The following ATP8A1 variants were observed in gnomAD, a reference collection of about 807,000 sequenced individuals.
The protein encoded by ATP8A1 is phospholipid-transporting ATPase IA.
In ATP8A1, 90 loss-of-function variants were observed where a neutral mutation model predicts 177.7. The ratio of observed to expected loss-of-function variants is 0.51; its 90% CI spans 0.43 to 0.60. The LOEUF (loss-of-function observed/expected upper bound fraction) is 0.60, where lower values mean the gene tolerates loss of function less well. Among genes scored for constraint, ATP8A1 ranks in the 20% least tolerant of loss-of-function variants. ATP8A1 has a pLI of 0.00. For synonymous variants in ATP8A1, 493 were observed against 485.9 expected (o/e 1.01, Z -0.19); for missense variants, 1,072 against 1,392.8 (o/e 0.77, Z 3.67).
chr4:42,594,196 G>A (rs748070858), intron 6 of ATP8A1: 12 of 673,852 alleles, frequency 1.8e-5, no homozygotes, highest in East Asian at 7.9e-5. Context: ...TAAATTCTTC[G>A]TTTATTCCTT....
intron 22 of ATP8A1, among the ~76,000 whole-genome samples, chr4:42,519,375 T>A (rs1692323239): frequency 6.6e-6 from 1 of 152,192 alleles, no homozygotes; most frequent in Admixed American, 6.5e-5. Context: ...ATTACAGGTG[T>A]GAGCCATCAC....
intron 22 of ATP8A1, among the ~76,000 whole-genome samples, chr4:42,507,556 C>A (rs975245852): frequency 2.6e-5 from 4 of 151,480 alleles, no homozygotes; most frequent in Admixed American, 2.6e-4. Flanking sequence ...GGTGAAACCA[C>A]GTCTCCACTA....
At chr4:42,595,409 T>C (rs1734627612) in intron 6 of ATP8A1, among the ~76,000 whole-genome samples, 2 of 152,300 alleles carry the variant, frequency 1.3e-5, no homozygotes, top group African/African-American at 4.8e-5. Context: ...TTTTTATTTA[T>C]GACACGTATG....
At chr4:42,506,217 G>A (rs1366035769) in intron 23 of ATP8A1, among the ~76,000 whole-genome samples, 1 of 152,160 alleles carries the variant, frequency 6.6e-6, no homozygotes, top group Non-Finnish European at 1.5e-5. Context: ...AGTAGGAGGT[G>A]GGGTCTTTGG....
At chr4:42,528,275 G>A (rs910427400) in intron 20 of ATP8A1, among the ~76,000 whole-genome samples, 3 of 152,090 alleles carry the variant, frequency 2.0e-5, no homozygotes, top group Admixed American at 6.5e-5. Flanking sequence ...CTATTACGGT[G>A]GGAAAGGCCA....
At chr4:42,564,760 CTT>C (rs1731187518) in intron 15 of ATP8A1, among the ~76,000 whole-genome samples, 1 of 152,050 alleles carries the variant, frequency 6.6e-6, no homozygotes, top group Non-Finnish European at 1.5e-5. Context: ...TGAGTTAAGA[CTT>C]TGGGGAATTG....
At chr4:42,616,979 T>A (rs1433378033) in intron 4 of ATP8A1, among the ~76,000 whole-genome samples, 2 of 152,182 alleles carry the variant, frequency 1.3e-5, no homozygotes, top group African/African-American at 4.8e-5. Flanking sequence ...TGTAACTAAC[T>A]CTGTTCGCTC....
chr4:42,521,451 G>A (rs948211113), intron 22 of ATP8A1, among the ~76,000 whole-genome samples: 1 of 152,082 alleles, frequency 6.6e-6, no homozygotes, highest in African/African-American at 2.4e-5. Flanking sequence ...CCTGGCACAC[G>A]GCAAGAGCTA....
At position 42,409,634 on chromosome 4, in the gene ATP8A1, T is replaced by C. The variant is rs1712372293; in HGVS notation, c.*3282A>G. On this transcript the variant is annotated 3_prime_UTR_variant, in exon 37 of 37. Transcript: ENST00000381668. ...CTATCAAAGGGCAACTGCACAAAAA[T>C]AAACACGATTATTTAGCTTTGTAGT... 6.6e-6 allele frequency: 1 copy of C among 152,256 alleles called. No homozygotes were observed. The highest frequency in any genetic ancestry group is 3.4e-3 in the Middle Eastern group (1 of 294). The allele number at this position is 152,256 out of a possible 1,614,324, so 9.4% of individuals were successfully genotyped here.
chr4:42,583,455 TG>T (rs774207902), intron 9 of ATP8A1, among the ~76,000 whole-genome samples: 22 of 152,200 alleles, frequency 1.4e-4, no homozygotes, highest in Admixed American at 6.5e-5. Flanking sequence ...GGGACACACG[TG>T]TGACAACTGT....
chr4:42,463,447 G>A (rs1333355763), intron 27 of ATP8A1, among the ~76,000 whole-genome samples: 1 of 152,164 alleles, frequency 6.6e-6, no homozygotes, highest in Non-Finnish European at 1.5e-5. Flanking sequence ...CTCCATGATT[G>A]TGAGGCCTCC....
At chr4:42,591,589 A>G (rs1734184042) in intron 6 of ATP8A1, among the ~76,000 whole-genome samples, 1 of 152,148 alleles carries the variant, frequency 6.6e-6, no homozygotes, top group African/African-American at 2.4e-5. Flanking sequence ...TTGAATCCAG[A>G]GAAATTTTTT....
At chr4:42,483,382 A>AT (rs2153188702) in intron 25 of ATP8A1, among the ~76,000 whole-genome samples, 1 of 151,844 alleles carries the variant, frequency 6.6e-6, no homozygotes, top group East Asian at 1.9e-4. Context: ...CTTAAGAAAA[A>AT]AAAAAAAAAA....
rs115238820 is a variant in ATP8A1 at position 42,570,879 on chromosome 4, C to A, written c.1296-1674G>T. Among the ~76,000 whole-genome samples the A allele has an allele frequency of 6.2e-3, 950 of 152,238 alleles. 9 individuals carry two copies. Among genetic ancestry groups the A allele is most frequent in the African/African-American group, 0.022 (911 of 41,564 alleles). On this transcript the variant is annotated intron_variant, in intron 14 of 36. Transcript: ENST00000381668. ...GCCTTCCCTGTTTAGATCAAACCAC[C>A]CATTATAGCCTCACATAGACCTCTA...
intron 35 of ATP8A1, among the ~76,000 whole-genome samples, chr4:42,419,520 T>G (rs377589896): frequency 2.5e-4 from 38 of 152,272 alleles, no homozygotes; most frequent in African/African-American, 7.2e-4. Context: ...AAATTGAATC[T>G]ACATTGGGTT....
rs369286983 is a variant in ATP8A1, at chr4:42,568,872, G to T, written c.1340+289C>A. Among the ~76,000 whole-genome samples the T allele has an allele frequency of 6.5e-4, 99 of 152,094 alleles. 1 individual carries two copies. In the South Asian group the frequency reaches 0.011, roughly 17 times the overall value. ...TCAGGAGCTGTAGCTGAAACCTGAG[G>T]TAGTCCAAAGCCCACACTCTGGAAT... On this transcript the variant is annotated intron_variant, in intron 15 of 36. Coordinates refer to ENST00000381668, the MANE Select transcript of ATP8A1 (RefSeq NM_006095.2).
chr4:42,648,487 T>G (rs1219731296), intron 1 of ATP8A1, among the ~76,000 whole-genome samples: 1 of 152,100 alleles, frequency 6.6e-6, no homozygotes, highest in Admixed American at 6.5e-5. Flanking sequence ...TTATGTCAGG[T>G]AAATAATTTG....
intron 29 of ATP8A1, among the ~76,000 whole-genome samples, chr4:42,454,344 C>T (rs1463862013): frequency 2.6e-5 from 4 of 152,130 alleles, no homozygotes; most frequent in Admixed American, 6.5e-5. Flanking sequence ...TTTATGAATT[C>T]CTAAATATTT....
At chr4:42,534,272 A>G (rs1727557911) in intron 20 of ATP8A1, among the ~76,000 whole-genome samples, 1 of 152,182 alleles carries the variant, frequency 6.6e-6, no homozygotes, top group Non-Finnish European at 1.5e-5. Context: ...AATCCAAAAA[A>G]TGATGCAGGA....
Sources: allele counts gnomAD v4.1 joint callset (sites outside exome capture counted in the v4.1 genomes callset), GRCh38; gene constraint gnomAD v4.1.1; transcripts MANE v1.5; gene names NCBI Gene and HGNC (gene_info 2026-07-23, HGNC 2026-07-21).